Variants in TBC1D19 observed in about 807,000 individuals in gnomAD.
TBC1D19 encodes the protein TBC1 domain family, member 19.
TBC1D19 carries 60 observed loss-of-function variants against 89.0 expected under a neutral mutation model. That is an observed-to-expected ratio of 0.67 (90% CI 0.55 to 0.84). The LOEUF (loss-of-function observed/expected upper bound fraction) is 0.84. TBC1D19 is among the 40% of genes least tolerant of loss of function. TBC1D19 has a pLI of 0.00. For synonymous variants in TBC1D19, 189 were observed against 199.7 expected (o/e 0.95, Z 0.45); for missense variants, 500 against 610.8 (o/e 0.82, Z 1.91).
chr4:26,704,819 T>A (rs895261214), intron 13 of TBC1D19, among the ~76,000 whole-genome samples: 2 of 152,156 alleles, frequency 1.3e-5, no homozygotes, highest in Non-Finnish European at 2.9e-5. Context: ...TGAATTTTAT[T>A]TCAACTTTTT....
upstream of TBC1D19, among the ~76,000 whole-genome samples, chr4:26,581,382 C>G (rs539921524): frequency 2.0e-5 from 3 of 152,262 alleles, no homozygotes; most frequent in East Asian, 5.8e-4. Flanking sequence ...CCTTGCCCCC[C>G]ATCCCCTAAC....
chr4:26,749,020 A>G (rs1718801232), intron 19 of TBC1D19, among the ~76,000 whole-genome samples: 2 of 152,200 alleles, frequency 1.3e-5, no homozygotes, highest in Admixed American at 6.5e-5. Flanking sequence ...TTTTGCTAAC[A>G]GTCTCTGACT....
At chr4:26,844,706 T>G in the TBC1D19 span, among the ~76,000 whole-genome samples, 1 of 152,244 alleles carries the variant, frequency 6.6e-6, no homozygotes, top group Non-Finnish European at 1.5e-5. Context: ...TTTTGTGTTT[T>G]ATTTAAATAT....
intron 15 of TBC1D19, among the ~76,000 whole-genome samples, chr4:26,732,366 C>G (rs539126817): frequency 6.6e-6 from 1 of 152,334 alleles, no homozygotes; most frequent in South Asian, 2.1e-4. Flanking sequence ...CCTAGCCTGG[C>G]CTTGTCCTCC....
the TBC1D19 span, among the ~76,000 whole-genome samples, chr4:26,818,816 C>T: frequency 8.3e-4 from 126 of 152,238 alleles, no homozygotes; most frequent in African/African-American, 2.9e-3. Context: ...CAAACCAAGT[C>T]AATTGGTCAC....
chr4:26,700,772 G>A (rs938620350), intron 13 of TBC1D19, among the ~76,000 whole-genome samples: 10 of 152,192 alleles, frequency 6.6e-5, no homozygotes, highest in Non-Finnish European at 1.0e-4. Flanking sequence ...TAATCTATGG[G>A]TATTTTATTA....
chr4:26,853,083 A>C, the TBC1D19 span, among the ~76,000 whole-genome samples: 3 of 152,232 alleles, frequency 2.0e-5, no homozygotes, highest in Non-Finnish European at 4.4e-5. Context: ...GATTCTACTC[A>C]AAACCTTTCA....
intron 7 of TBC1D19, among the ~76,000 whole-genome samples, chr4:26,655,290 G>A (rs983563569): frequency 7.9e-5 from 12 of 152,334 alleles, no homozygotes; most frequent in Middle Eastern, 3.4e-3. Flanking sequence ...CTACTGGGGC[G>A]TGCCTCCCAG....
chr4:26,840,504 C>T, the TBC1D19 span, among the ~76,000 whole-genome samples: 1 of 152,192 alleles, frequency 6.6e-6, no homozygotes, highest in East Asian at 1.9e-4. Flanking sequence ...CCCTCTGGGC[C>T]TGGTTCTTTA....
chr4:26,619,229 G>A (rs1232557660), intron 3 of TBC1D19, among the ~76,000 whole-genome samples: 1 of 149,398 alleles, frequency 6.7e-6, no homozygotes, highest in East Asian at 1.9e-4. Flanking sequence ...TTTTGAGACG[G>A]AATCTTGCTC....
chr4:26,719,990 AT>A (rs1716872054), intron 14 of TBC1D19, 90 bp from the exon 15 acceptor site: 6 of 1,071,172 alleles, frequency 5.6e-6, no homozygotes, highest in Non-Finnish European at 8.0e-6. Context: ...AGTTTTTAAA[AT>A]TCCGTTGTTA....
intron 3 of TBC1D19, among the ~76,000 whole-genome samples, chr4:26,617,025 C>G (rs1741740203): frequency 6.6e-6 from 1 of 152,076 alleles, no homozygotes; most frequent in South Asian, 2.1e-4. Flanking sequence ...GAGGCTTAAA[C>G]CATGTTTTAG....
At position 26,756,109 on chromosome 4, in the gene TBC1D19, T is replaced by G. The variant is rs1055911415; in HGVS notation, c.*1162T>G. Among the ~76,000 whole-genome samples, 1 of 152,232 alleles carries G rather than the reference T, an allele frequency of 6.6e-6. No homozygotes were observed. Among genetic ancestry groups the G allele is most frequent in the African/African-American group, 2.4e-5 (1 of 41,456 alleles). ...TTTACCCAAATGTATTTTATGAGTC[T>G]TTTATTTTGGCAGTATGTATTAGGA... On this transcript the variant is annotated 3_prime_UTR_variant, in exon 21 of 21. Transcript: ENST00000264866.
At chr4:26,744,486 C>T (rs1275007182) in intron 18 of TBC1D19, among the ~76,000 whole-genome samples, 3 of 151,388 alleles carry the variant, frequency 2.0e-5, no homozygotes, top group Non-Finnish European at 4.4e-5. Flanking sequence ...TGATTTGGGA[C>T]TTTCTTTTTT....
intron 4 of TBC1D19, among the ~76,000 whole-genome samples, chr4:26,623,082 T>TG (rs917881775): frequency 6.6e-6 from 1 of 152,172 alleles, no homozygotes; most frequent in Non-Finnish European, 1.5e-5. Flanking sequence ...CTCCCTATTT[T>TG]GGGGGGCAAT....
intron 18 of TBC1D19, among the ~76,000 whole-genome samples, chr4:26,743,740 T>C (rs944712154): frequency 2.0e-4 from 31 of 151,888 alleles, no homozygotes; most frequent in African/African-American, 7.0e-4. Context: ...AAAATTCTAT[T>C]CATGATTCAG....
the TBC1D19 span, among the ~76,000 whole-genome samples, chr4:26,785,689 C>T: frequency 2.0e-4 from 30 of 152,232 alleles, no homozygotes; most frequent in African/African-American, 3.9e-4. Context: ...CACACACAGA[C>T]GTACACTGTG....
At chr4:26,705,773 G>T (rs1392362125) in intron 13 of TBC1D19, among the ~76,000 whole-genome samples, 1 of 152,060 alleles carries the variant, frequency 6.6e-6, no homozygotes, top group Non-Finnish European at 1.5e-5. Flanking sequence ...CATTGTTTTG[G>T]CTATTTGGGG....
In TBC1D19 at chr4:26,673,381, C is replaced by T. The variant is rs566331520; in HGVS notation, c.704-395C>T. Among the ~76,000 whole-genome samples, 222 of 144,142 alleles carry T rather than the reference C, an allele frequency of 1.5e-3. 1 individual carries two copies. Among genetic ancestry groups the T allele is most frequent in the Middle Eastern group, 7.5e-3 (2 of 266 alleles). The allele number at this position is 144,142 out of a possible 152,430, so 94.6% of individuals were successfully genotyped here. ...ATATGCATAAGAAATTTGGGGTTTCCGTAGCTATGAATTAACTTGATAATG... is the reference window on the plus strand; with the variant it reads ...ATATGCATAAGAAATTTGGGGTTTCTGTAGCTATGAATTAACTTGATAATG... On this transcript the variant is annotated intron_variant, in intron 10 of 20. Coordinates refer to ENST00000264866, the MANE Select transcript of TBC1D19 (RefSeq NM_018317.4).
Sources: allele counts gnomAD v4.1 joint callset (sites outside exome capture counted in the v4.1 genomes callset), GRCh38; gene constraint gnomAD v4.1.1; transcripts MANE v1.5; gene names NCBI Gene and HGNC (gene_info 2026-07-23, HGNC 2026-07-21).